Variants in CNBD1 observed in about 807,000 individuals in gnomAD.
The protein encoded by CNBD1 is cyclic nucleotide-binding domain-containing protein 1.
CNBD1 carries 71 observed loss-of-function variants against 54.4 expected under a neutral mutation model. That is an observed-to-expected ratio of 1.30 (90% CI 1.08 to 1.59). The LOEUF (loss-of-function observed/expected upper bound fraction) is 1.59. Among genes scored for constraint, CNBD1 ranks in the 40% most tolerant of loss-of-function variants. CNBD1 has a pLI of 0.00. For missense variants in CNBD1, 659 were observed against 518.0 expected (o/e 1.27, Z -2.64); for synonymous variants, 182 against 170.7 (o/e 1.07, Z -0.51).
chr8:87,192,719 T>C (rs1813639038), intron 4 of CNBD1, among the ~76,000 whole-genome samples: 1 of 152,232 alleles, frequency 6.6e-6, no homozygotes, highest in African/African-American at 2.4e-5. Context: ...ATCAGCCCTA[T>C]GGATTCCTAA....
Position 86,874,988 on chromosome 8 carries a change from A to T in CNBD1, c.88+8405A>T, listed in dbSNP as rs570759471. Among the ~76,000 whole-genome samples, 14 of 13,664 alleles carry T rather than the reference A, an allele frequency of 1.0e-3. No homozygotes were observed. In the East Asian group the frequency reaches 0.047, roughly 46 times the overall value. The allele number at this position is 13,664 out of a possible 152,430, so 9.0% of individuals were successfully genotyped here. ...TTTATATTTGTTTGTAAATCAATTTATATATATATATATATATATATATAT... is the reference window on the plus strand; with the variant it reads ...TTTATATTTGTTTGTAAATCAATTTTTATATATATATATATATATATATAT... On this transcript the variant is annotated intron_variant, in intron 1 of 10. Transcript: ENST00000518476.
chr8:87,369,895 A>T (rs1810733552), intron 10 of CNBD1, among the ~76,000 whole-genome samples: 1 of 151,596 alleles, frequency 6.6e-6, no homozygotes, highest in Non-Finnish European at 1.5e-5. Context: ...ACCCCACAAC[A>T]GTCCCCAGAG....
At chr8:87,000,079 A>G (rs919513589) in intron 4 of CNBD1, among the ~76,000 whole-genome samples, 5 of 152,264 alleles carry the variant, frequency 3.3e-5, no homozygotes, top group South Asian at 4.1e-4. Context: ...GTAATAAGGC[A>G]TTGATATGGT....
intron 2 of CNBD1, among the ~76,000 whole-genome samples, chr8:87,392,093 A>G (rs539660286): frequency 6.6e-6 from 1 of 152,218 alleles, no homozygotes; most frequent in East Asian, 1.9e-4. Flanking sequence ...GAAAATCAGA[A>G]CAGCAGTGAG....
At chr8:87,099,034 CAAAA>C (rs11402011) in intron 4 of CNBD1, among the ~76,000 whole-genome samples, 3 of 23,036 alleles carry the variant, frequency 1.3e-4, no homozygotes, top group Admixed American at 5.2e-4. Flanking sequence ...GACTGTGTCT[CAAAA>C]AAAAAAAAAA....
intron 4 of CNBD1, among the ~76,000 whole-genome samples, chr8:87,202,516 G>A (rs1402356919): frequency 1.3e-5 from 2 of 152,160 alleles, no homozygotes; most frequent in African/African-American, 2.4e-5. Flanking sequence ...GAAGGAATAA[G>A]CAAGAATCTC....
At chr8:87,362,713 G>A (rs1433114984) in intron 10 of CNBD1, among the ~76,000 whole-genome samples, 1 of 152,010 alleles carries the variant, frequency 6.6e-6, no homozygotes, top group African/African-American at 2.4e-5. Flanking sequence ...GCAGCCATTC[G>A]AACCCTCTGT....
At chr8:87,318,840 T>C (rs1352731343) in intron 8 of CNBD1, among the ~76,000 whole-genome samples, 3 of 152,060 alleles carry the variant, frequency 2.0e-5, no homozygotes, top group African/African-American at 4.8e-5. Context: ...GTAAGTGATA[T>C]GAATCACACC....
chr8:87,403,869 A>G (rs1239231460), intron 2 of CNBD1, among the ~76,000 whole-genome samples: 1 of 152,032 alleles, frequency 6.6e-6, no homozygotes, highest in Non-Finnish European at 1.5e-5. Context: ...AAAAATTATG[A>G]TCAGGGTACC....
At chr8:87,079,014 C>A (rs570787763) in intron 4 of CNBD1, among the ~76,000 whole-genome samples, 1 of 151,870 alleles carries the variant, frequency 6.6e-6, no homozygotes, top group East Asian at 1.9e-4. Flanking sequence ...GGCAGTCTAT[C>A]CCCCCCTTTT....
At chr8:87,211,601 G>A (rs1364907231) in intron 5 of CNBD1, among the ~76,000 whole-genome samples, 1 of 152,098 alleles carries the variant, frequency 6.6e-6, no homozygotes, top group African/African-American at 2.4e-5. Context: ...GTTTAAATGT[G>A]TATGGCACCT....
intron 8 of CNBD1, among the ~76,000 whole-genome samples, chr8:87,290,484 T>C (rs879408737): frequency 5.9e-5 from 9 of 152,160 alleles, no homozygotes; most frequent in African/African-American, 1.9e-4. Context: ...AATCACTCTT[T>C]ATGAGTAAGA....
chr8:87,119,109 T>A (rs1225741186), intron 4 of CNBD1, among the ~76,000 whole-genome samples: 1 of 151,552 alleles, frequency 6.6e-6, no homozygotes, highest in Admixed American at 6.6e-5. Context: ...AATTTTAAGA[T>A]TTTTTTTTCT....
intron 1 of CNBD1, among the ~76,000 whole-genome samples, chr8:86,875,817 G>A (rs550531769): frequency 4.6e-5 from 7 of 151,944 alleles, no homozygotes; most frequent in Non-Finnish European, 8.8e-5. Flanking sequence ...TCTGTATTTA[G>A]GGAGATTATA....
intron 2 of CNBD1, among the ~76,000 whole-genome samples, chr8:87,389,729 T>C (rs925297048): frequency 6.6e-6 from 1 of 152,178 alleles, no homozygotes; most frequent in South Asian, 2.1e-4. Flanking sequence ...AATGACTTTC[T>C]TCACAGAAAT....
intron 6 of CNBD1, among the ~76,000 whole-genome samples, chr8:87,265,413 G>A (rs1285964703): frequency 3.3e-5 from 5 of 152,002 alleles, no homozygotes; most frequent in Non-Finnish European, 7.4e-5. Flanking sequence ...GCCTTGTAGT[G>A]TAGTTTGAAG....
At chr8:87,346,931 A>T (rs1245928157) in intron 8 of CNBD1, among the ~76,000 whole-genome samples, 1 of 152,144 alleles carries the variant, frequency 6.6e-6, no homozygotes, top group Non-Finnish European at 1.5e-5. Flanking sequence ...ATTTTCAGAG[A>T]CTTGCTACCT....
intron 8 of CNBD1, among the ~76,000 whole-genome samples, chr8:87,345,026 G>A (rs186650927): frequency 7.2e-4 from 109 of 152,050 alleles, no homozygotes; most frequent in East Asian, 5.0e-3. Context: ...TTGATTTTGC[G>A]CTAGTTATAG....
intron 2 of CNBD1, among the ~76,000 whole-genome samples, chr8:87,400,953 G>C (rs1189512103): frequency 6.6e-6 from 1 of 151,884 alleles, no homozygotes; most frequent in Admixed American, 6.6e-5. Flanking sequence ...AACATCTCTA[G>C]GTAATTTTTG....
Sources: allele counts gnomAD v4.1 joint callset (sites outside exome capture counted in the v4.1 genomes callset), GRCh38; gene constraint gnomAD v4.1.1; transcripts MANE v1.5; gene names NCBI Gene and HGNC (gene_info 2026-07-23, HGNC 2026-07-21).